Variants in SRP72 observed in about 807,000 individuals in gnomAD.
SRP72 encodes signal recognition particle 72.
Under a neutral mutation model 96.3 loss-of-function variants are expected in SRP72, and 49 were observed. That is an observed-to-expected ratio of 0.51 (90% confidence interval 0.40 to 0.65). SRP72 has a LOEUF of 0.65. Ranked by LOEUF, SRP72 falls within the 30% of genes least tolerant of loss-of-function variation. SRP72 has a pLI of 0.00. For synonymous variants in SRP72, 267 were observed against 275.2 expected, an observed-to-expected ratio of 0.97 and a Z score of 0.30; for missense variants, 736 against 793.3, an observed-to-expected ratio of 0.93 and a Z score of 0.87.
Position 56,502,194 on chromosome 4 carries a change from G to T in SRP72, c.*333G>T. 4.5e-6 allele frequency: 1 copy of T among 223,066 alleles called. No homozygotes were observed. Among genetic ancestry groups the T allele is most frequent in the Non-Finnish European group, 9.0e-6 (1 of 110,722 alleles). The allele number at this position is 223,066 out of a possible 1,614,324, so 13.8% of individuals were successfully genotyped here. ...TCTAAGGTTTCCCAGGATTTAAACA[G>T]AAACTACTTCTATGATTTCAGCTGG... On this transcript the variant is annotated 3_prime_UTR_variant, in exon 19 of 19. Transcript: ENST00000642900.
chr4:56,467,761 G>A lies in SRP72; in HGVS notation c.109+17G>A. ...TCAATAAGAGTAAGTGTCGGGGTGG[G>A]CACTGGGGCGGGCCCAGGCCGGCTG... On this transcript the variant is annotated intron_variant, in intron 1 of 18. Transcript: ENST00000642900. The A allele has an allele frequency of 1.5e-6, 2 of 1,348,250 alleles. No individual in the cohort carries two copies. Among genetic ancestry groups the A allele is most frequent in the Non-Finnish European group, 2.0e-6 (2 of 1,003,274 alleles). The allele number at this position is 1,348,250 out of a possible 1,614,324, so 83.5% of individuals were successfully genotyped here. A position where few individuals can be genotyped will look rare whatever the true frequency, so the allele number is the denominator to read the frequency against.
At chr4:56,497,106 G>A (rs1489746656) in intron 17 of SRP72, among the ~76,000 whole-genome samples, 3 of 151,948 alleles carry the variant, frequency 2.0e-5, no homozygotes, top group Non-Finnish European at 4.4e-5. Flanking sequence ...AAATTGTTTT[G>A]AACATAATAT....
At chr4:56,483,442 A>G (rs540028177) in intron 9 of SRP72, among the ~76,000 whole-genome samples, 172 bp downstream of exon 9, 3 of 152,238 alleles carry the variant, frequency 2.0e-5, no homozygotes, top group East Asian at 1.9e-4. Flanking sequence ...GCTGGGCACA[A>G]TGGCTCATGC....
chr4:56,483,375 G>C, intron 9 of SRP72, 105 bp downstream of exon 9: 1 of 1,149,342 alleles, frequency 8.7e-7, no homozygotes, highest in Non-Finnish European at 1.2e-6. Flanking sequence ...TTTGTATTTT[G>C]TCTTCAACTC....
rs1578190101 is a variant in SRP72, at chr4:56,487,861, AAGT to A, written c.1160-84_1160-82del. The A allele has an allele frequency of 6.2e-6, 6 of 967,784 alleles. No individual in the cohort carries two copies. The East Asian group carries it at 1.6e-4, about 26-fold the overall frequency. The allele number at this position is 967,784 out of a possible 1,614,324, so 59.9% of individuals were successfully genotyped here. On this transcript the variant is annotated intron_variant, in intron 11 of 18. Coordinates refer to ENST00000642900, the MANE Select transcript of SRP72 (RefSeq NM_006947.4). ...GAGTTATGGTTGCTTTCCTAAGGAAAAGTAGTGGGAGGAAGTAAAATTTCTTGT... is the reference window on the plus strand; with the variant it reads ...GAGTTATGGTTGCTTTCCTAAGGAAAAGTGGGAGGAAGTAAAATTTCTTGT...
At chr4:56,488,482 T>G (rs1405826664) in intron 12 of SRP72, among the ~76,000 whole-genome samples, 1 of 152,210 alleles carries the variant, frequency 6.6e-6, no homozygotes, top group Non-Finnish European at 1.5e-5. Flanking sequence ...AGGGGCTGTT[T>G]TATTCATGTT....
At chr4:56,491,740 G>C (rs1482418812) in intron 16 of SRP72, 172 bp downstream of exon 16, 1 of 561,098 alleles carries the variant, frequency 1.8e-6, no homozygotes, top group East Asian at 3.1e-5. Context: ...TTTTCCCTCA[G>C]CCCAAAATTA....
At position 56,501,743 on chromosome 4, in the gene SRP72, C is replaced by T; in HGVS notation, c.1898C>T (p.Thr633Ile). The change falls in exon 19 of 19, where the codon ACA becomes ATA. Residue 633 changes from threonine to isoleucine, a missense_variant. Around this residue, in one of 3 missense-constraint regions of SRP72, gnomAD observed 388 missense variants for 431.8 expected, o/e 0.90. Coordinates refer to ENST00000642900, the MANE Select transcript of SRP72 (RefSeq NM_006947.4). The part of the protein sequence containing the change: ...PTSPRPGSAA[T>I]VSASTSNIIP... ...TCCCCAAGACCTGGCAGTGCTGCAACAGTATCTGCCTCTACAAGTAACATC... is the reference window on the plus strand; with the variant it reads ...TCCCCAAGACCTGGCAGTGCTGCAATAGTATCTGCCTCTACAAGTAACATC... 6.2e-7 allele frequency: 1 copy of T among 1,614,048 alleles called. No homozygotes were observed. Among genetic ancestry groups the T allele is most frequent in the South Asian group, 1.1e-5 (1 of 91,080 alleles).
chr4:56,497,497 G>C (rs1037673168), intron 17 of SRP72, among the ~76,000 whole-genome samples: 7 of 152,052 alleles, frequency 4.6e-5, no homozygotes, highest in Non-Finnish European at 1.0e-4. Flanking sequence ...GGGATTACAG[G>C]CGTGAGCCAC....
At chr4:56,490,466 T>C (rs759687870) in intron 14 of SRP72, 30 bp downstream of exon 14, 1 of 1,607,718 alleles carries the variant, frequency 6.2e-7, no homozygotes, top group South Asian at 1.1e-5. Context: ...GTTGTAGAAA[T>C]AACACATTTA....
At position 56,478,653 on chromosome 4, in the gene SRP72, T is replaced by C. The variant is rs200484846; in HGVS notation, c.825+4T>C. ...TAACATCATTACCATTAACAAGGTATGGAGTATTTGTGCTTTCCATAGATA... is the reference window on the plus strand; with the variant it reads ...TAACATCATTACCATTAACAAGGTACGGAGTATTTGTGCTTTCCATAGATA... On this transcript the variant is annotated splice_donor_region_variant and intron_variant, in intron 8 of 18. Coordinates refer to ENST00000642900, the MANE Select transcript of SRP72 (RefSeq NM_006947.4). 1.2e-6 allele frequency: 2 copies of C among 1,612,646 alleles called. No individual in the cohort carries two copies.
Position 56,476,973 on chromosome 4 carries a change from G to T in SRP72, c.642+271G>T, listed in dbSNP as rs1414435841. The T allele has an allele frequency of 1.0e-5, 4 of 387,692 alleles. No homozygotes were observed. In the East Asian group the frequency reaches 1.4e-4, roughly 14 times the overall value. 24.0% of individuals were successfully genotyped at this position (387,692 alleles called of 1,614,324 possible). ...CCCCCATTTTAGGATGTAGGACTAA[G>T]GTCTTTGAGGACTGGTCTGCTCCTA... On this transcript the variant is annotated intron_variant, in intron 6 of 18. Transcript: ENST00000642900.
At chr4:56,477,848 T>C (rs1185442764) in intron 6 of SRP72, among the ~76,000 whole-genome samples, 3 of 152,216 alleles carry the variant, frequency 2.0e-5, no homozygotes, top group African/African-American at 4.8e-5. Flanking sequence ...TTACAGAATT[T>C]GTTCAATTAC....
Position 56,471,584 on chromosome 4 carries a change from T to A in SRP72, c.231-136T>A. ...ATACATTTACAAGCTATCTGATATTTAGACAAGTCTCTAACCTTTGTCAGT... is the reference window on the plus strand; with the variant it reads ...ATACATTTACAAGCTATCTGATATTAAGACAAGTCTCTAACCTTTGTCAGT... On this transcript the variant is annotated intron_variant, in intron 2 of 18. Coordinates refer to ENST00000642900, the MANE Select transcript of SRP72 (RefSeq NM_006947.4). The A allele has an allele frequency of 3.2e-6, 3 of 933,198 alleles. No homozygotes were observed. The South Asian group carries it at 6.4e-5, about 20-fold the overall frequency. 57.8% of individuals were successfully genotyped at this position (933,198 alleles called of 1,614,324 possible).
At chr4:56,479,078 C>T (rs1720365152) in intron 8 of SRP72, among the ~76,000 whole-genome samples, 1 of 152,022 alleles carries the variant, frequency 6.6e-6, no homozygotes, top group Non-Finnish European at 1.5e-5. Context: ...TCTTTCTTCT[C>T]CCCCACACCC....
Position 56,501,947 on chromosome 4 carries a change from A to C in SRP72, c.*86A>C. The C allele has an allele frequency of 1.5e-6, 2 of 1,316,848 alleles. No homozygotes were observed. Among genetic ancestry groups the C allele is most frequent in the Middle Eastern group, 3.7e-4 (2 of 5,434 alleles). The allele number at this position is 1,316,848 out of a possible 1,614,324, so 81.6% of individuals were successfully genotyped here. On this transcript the variant is annotated 3_prime_UTR_variant, in exon 19 of 19. Transcript: ENST00000642900. The stretch of plus-strand genomic sequence containing the variant: ...AAAGGTAACACAGCAAGAAGCACAG[A>C]ACTACTCCCTCTTCATCTCCATATT...
chr4:56,473,492 G>A (rs1720067040), intron 3 of SRP72, among the ~76,000 whole-genome samples: 1 of 151,686 alleles, frequency 6.6e-6, no homozygotes, highest in African/African-American at 2.4e-5. Context: ...TTCTGGGTCG[G>A]GTGCGGTGGC....
intron 16 of SRP72, among the ~76,000 whole-genome samples, chr4:56,492,776 G>C (rs552843514): frequency 6.6e-6 from 1 of 152,176 alleles, no homozygotes; most frequent in Admixed American, 6.5e-5. Context: ...TTCAATTAAA[G>C]TATGTTTACT....
chr4:56,471,659 T>C, intron 2 of SRP72, 61 bp from the exon 3 acceptor site: 2 of 1,583,628 alleles, frequency 1.3e-6, no homozygotes, highest in Middle Eastern at 2.0e-4. Context: ...TGGTGTTGTA[T>C]ATAATGGGTG....
Sources: gnomAD v4.1 joint callset for allele counts (sites outside exome capture counted in the v4.1 genomes callset) on GRCh38, gnomAD v4.1.1 for gene constraint, gnomAD v4.1.1 regional missense constraint, MANE v1.5 for transcripts, NCBI Gene and HGNC (gene_info 2026-07-23, HGNC 2026-07-21) for gene names.